The following ZNF445 variants were observed in gnomAD, a reference collection of about 807,000 sequenced individuals.
The protein encoded by ZNF445 is zinc finger protein 168.
In ZNF445, 19 loss-of-function variants were observed where a neutral mutation model predicts 93.9. That is an observed-to-expected ratio of 0.20 (90% CI 0.14 to 0.30). The LOEUF is 0.30. ZNF445 is among the 10% of genes least tolerant of loss of function. The pLI is 1.00. For synonymous variants in ZNF445, 449 were observed against 446.3 expected (o/e 1.01, Z -0.08); for missense variants, 1,058 against 1,259.4 (o/e 0.84, Z 2.42).
At position 44,441,060 on chromosome 3, in the gene ZNF445, C is replaced by G. The variant is rs112201587; in HGVS notation, c.*5515G>C. 1.3e-5 allele frequency: 2 copies of G among 152,082 alleles called. No homozygotes were observed. The highest frequency in any genetic ancestry group is 4.8e-5 in the African/African-American group (2 of 41,390). The allele number at this position is 152,082 out of a possible 1,614,324, so 9.4% of individuals were successfully genotyped here. ...TCTCAAGTAGCTGGGATTACAGGCA[C>G]GTGCCACCATGCCCAGCTAATTTTT... On this transcript the variant is annotated 3_prime_UTR_variant, in exon 8 of 8. Transcript: ENST00000396077.
rs1215761454 is a variant in ZNF445 at position 44,450,523 on chromosome 3, C to T, written c.744G>A (p.Trp248Ter). ...TCCTCTGAGCAGAGTCCAGCCACCC[C>T]CACTCGTCCTGGGAGAAGGTCACCT... ...DVEVTFSQDE[W>*]GWLDSAQRNL... The change falls in exon 6 of 8, where the codon TGG becomes TGA. Residue 248 changes from tryptophan (W) to a stop codon, truncating the protein, a stop_gained. Transcript: ENST00000396077. LOFTEE classifies it high-confidence loss of function. 2.5e-6 allele frequency: 4 copies of T among 1,614,034 alleles called. No individual in the cohort carries two copies. In the Admixed American group the frequency reaches 6.7e-5, roughly 27 times the overall value.
At position 44,436,031 on chromosome 3, in the gene ZNF445, T is replaced by C. The variant is rs1697673686; in HGVS notation, c.*10544A>G. The C allele has an allele frequency of 6.6e-6, 1 of 152,212 alleles. No homozygotes were observed. Among genetic ancestry groups the C allele is most frequent in the Non-Finnish European group, 1.5e-5 (1 of 68,030 alleles). 9.4% of individuals were successfully genotyped at this position (152,212 alleles called of 1,614,324 possible). A position where few individuals can be genotyped will look rare whatever the true frequency, so the allele number is the denominator to read the frequency against. On this transcript the variant is annotated 3_prime_UTR_variant, in exon 8 of 8. Transcript: ENST00000396077. ...GATAAAAAGTATAAATTATTGTCAG[T>C]GCAGCAGGGTCCTACTTCAAAGGGA... is the stretch of plus-strand genomic sequence containing the variant.
Position 44,447,448 on chromosome 3 carries a change from T to C in ZNF445, c.2223A>G (p.Pro741=). 3 of 1,614,216 alleles carry C rather than the reference T, an allele frequency of 1.9e-6. No individual in the cohort carries two copies. Among genetic ancestry groups the C allele is most frequent in the Non-Finnish European group, 2.5e-6 (3 of 1,180,032 alleles). ...HAMKRKPEGG[P]SFSQDTVFQV... ...GGAACACTGTGTCCTGACTAAAAGATGGCCCGCCCTCAGGTTTTCTTTTCA... is the reference window on the plus strand; with the variant it reads ...GGAACACTGTGTCCTGACTAAAAGACGGCCCGCCCTCAGGTTTTCTTTTCA... The change falls in exon 8 of 8, where the codon CCA becomes CCG. Residue 741 remains proline (P), a synonymous_variant. Coordinates refer to ENST00000396077, the MANE Select transcript of ZNF445 (RefSeq NM_181489.6). This position sits in a 1 kb window ranked among gnomAD's most constrained non-coding sequence, Gnocchi z 4.7.
intron 1 of ZNF445, among the ~76,000 whole-genome samples, chr3:44,469,058 C>T (rs1280449829): frequency 6.7e-6 from 1 of 148,222 alleles, no homozygotes; most frequent in East Asian, 2.0e-4. Context: ...AAAAAAAAAG[C>T]ATTTTATAGG....
rs753380089 is a variant in ZNF445 at position 44,448,570 on chromosome 3, A to G, written c.1101T>C (p.Asn367=). ...CTTTCTTAACTCTTACTTGTATGGG[A>G]TTTTCACATTGATCCTTCTGCCTGC... The part of the protein sequence containing the change: ...QKSRQKDQCE[N]PIQVRVKKEE... The change falls in exon 8 of 8, where the codon AAT becomes AAC. Residue 367 remains asparagine (N), a synonymous_variant. Coordinates refer to ENST00000396077, the MANE Select transcript of ZNF445 (RefSeq NM_181489.6). 1.2e-6 allele frequency: 2 copies of G among 1,613,924 alleles called. No homozygotes were observed.
intron 1 of ZNF445, among the ~76,000 whole-genome samples, chr3:44,475,150 C>G (rs1698329836): frequency 6.6e-6 from 1 of 152,024 alleles, no homozygotes; most frequent in African/African-American, 2.4e-5. Flanking sequence ...TCCAGTCATT[C>G]AGTCATCATC....
chr3:44,470,092 C>T (rs1163689994), intron 1 of ZNF445, among the ~76,000 whole-genome samples: 1 of 152,048 alleles, frequency 6.6e-6, no homozygotes, highest in Admixed American at 6.6e-5. Context: ...CCTCACTCTG[C>T]CTGACTTTTT....
At chr3:44,463,522 GCT>G (rs1232774924) in intron 1 of ZNF445, among the ~76,000 whole-genome samples, 2 of 152,132 alleles carry the variant, frequency 1.3e-5, no homozygotes, top group East Asian at 3.8e-4. Context: ...AAAATCAAAC[GCT>G]CTGTTCTGTT....
At chr3:44,462,502 G>A (rs886415678) in intron 1 of ZNF445, among the ~76,000 whole-genome samples, 6 of 152,072 alleles carry the variant, frequency 3.9e-5, no homozygotes, top group African/African-American at 9.7e-5. Context: ...TTTGCTTTTC[G>A]ACAATGGCAG....
Position 44,452,741 on chromosome 3 carries a change from C to T in ZNF445, c.430-1259G>A, listed in dbSNP as rs368360440. Among the ~76,000 whole-genome samples, 373 of 152,158 alleles carry T rather than the reference C, an allele frequency of 2.5e-3. 5 individuals carry two copies. The highest frequency in any genetic ancestry group is 8.7e-3 in the African/African-American group (361 of 41,500). On this transcript the variant is annotated intron_variant, in intron 3 of 7. Transcript: ENST00000396077. ...ATTGTTTTGGTAAAAATAACAAATG[C>T]TCTTTTAAATTTTTTAAAATAGTAC...
chr3:44,467,786 T>A (rs1160948099), intron 1 of ZNF445, among the ~76,000 whole-genome samples: 1 of 152,190 alleles, frequency 6.6e-6, no homozygotes, highest in Non-Finnish European at 1.5e-5. Context: ...GATTTGTTTT[T>A]AATAAAAATG....
At position 44,436,456 on chromosome 3, in the gene ZNF445, A is replaced by C. The variant is rs954588658; in HGVS notation, c.*10119T>G. ...ATGTGGCCTGTATAGAATATCTGGC[A>C]CTCTCTACATGAATTTATTTCTCAT... On this transcript the variant is annotated 3_prime_UTR_variant, in exon 8 of 8. Transcript: ENST00000396077. The C allele has an allele frequency of 6.6e-6, 1 of 152,016 alleles. No individual in the cohort carries two copies. Among genetic ancestry groups the C allele is most frequent in the Admixed American group, 6.6e-5 (1 of 15,264 alleles). The allele number at this position is 152,016 out of a possible 1,614,324, so 9.4% of individuals were successfully genotyped here. A position where few individuals can be genotyped will look rare whatever the true frequency, so the allele number is the denominator to read the frequency against.
intron 1 of ZNF445, among the ~76,000 whole-genome samples, chr3:44,458,625 A>G (rs948351527): frequency 1.3e-5 from 2 of 152,124 alleles, no homozygotes; most frequent in African/African-American, 2.4e-5. Flanking sequence ...GCCTTTTGTT[A>G]TAATATTGGT....
chr3:44,447,374 T>A lies in ZNF445; in HGVS notation c.2297A>T (p.Gln766Leu). ...HSKEEPYKCS[Q>L]CGKAFRNHSF... ...GTGATTGCGGAAGGCCTTGCCACAC[T>A]GGCTGCATTTGTAGGGCTCCTCTTT... Residue 766 changes from glutamine (Q) to leucine (L), a missense_variant, in exon 8 of 8, where the codon CAG becomes CTG. Transcript: ENST00000396077. The surrounding 1 kb of genome is among the most constrained non-coding windows in gnomAD (Gnocchi z 4.7). 6.2e-7 allele frequency: 1 copy of A among 1,614,212 alleles called. No homozygotes were observed. Among genetic ancestry groups the A allele is most frequent in the Non-Finnish European group, 8.5e-7 (1 of 1,180,036 alleles).
intron 1 of ZNF445, among the ~76,000 whole-genome samples, chr3:44,468,691 G>C (rs35069174): frequency 0.13 from 17,010 of 133,648 alleles, 1,107 homozygotes; most frequent in Admixed American, 0.18. Context: ...TCCCCCCGAG[G>C]AGCTGACTCA....
Position 44,436,278 on chromosome 3 carries a change from TG to T in ZNF445, c.*10296del, listed in dbSNP as rs2125673528. On this transcript the variant is annotated 3_prime_UTR_variant, in exon 8 of 8. Transcript: ENST00000396077. Reference sequence around the variant, plus strand: ...AGCAGGCAGACATCACAGATCTCTGTGGGTCAGACCATTCAGGATCCTGCTT... The same window carrying T: ...AGCAGGCAGACATCACAGATCTCTGTGGTCAGACCATTCAGGATCCTGCTT... 6.6e-6 allele frequency: 1 copy of T among 152,346 alleles called. No individual in the cohort carries two copies. Among genetic ancestry groups the T allele is most frequent in the East Asian group, 1.9e-4 (1 of 5,182 alleles). 9.4% of individuals were successfully genotyped at this position (152,346 alleles called of 1,614,324 possible). A position where few individuals can be genotyped will look rare whatever the true frequency, so the allele number is the denominator to read the frequency against.
At position 44,448,252 on chromosome 3, in the gene ZNF445, T is replaced by A. The variant is rs374632547; in HGVS notation, c.1419A>T (p.Gln473His). ...GKDFSLSSHH[Q>H]RGQSLHTVGV... ...CCACTGTGTGAAGACTCTGCCCACG[T>A]TGGTGATGAGAGCTAAGGCTGAAGT... is the stretch of plus-strand genomic sequence containing the variant. Residue 473 changes from glutamine (Q) to histidine (H), a missense_variant, in exon 8 of 8, where the codon CAA (glutamine) becomes CAT (histidine). Around this residue, in one of 3 missense-constraint regions of ZNF445, gnomAD observed 657 missense variants for 746.4 expected, o/e 0.88. Transcript: ENST00000396077. The A allele has an allele frequency of 6.2e-7, 1 of 1,614,170 alleles. No individual in the cohort carries two copies.
chr3:44,455,025 C>T (rs1005898245), intron 3 of ZNF445, 96 bp downstream of exon 3: 13 of 1,480,944 alleles, frequency 8.8e-6, no homozygotes, highest in Non-Finnish European at 1.1e-5. Flanking sequence ...CTGCACTCCT[C>T]TATATTGACA....
rs1442010795 is a variant in ZNF445 at position 44,440,585 on chromosome 3, A to AT, written c.*5989dup. On this transcript the variant is annotated 3_prime_UTR_variant, in exon 8 of 8. Coordinates refer to ENST00000396077, the MANE Select transcript of ZNF445 (RefSeq NM_181489.6). Reference sequence around the variant, plus strand: ...CTTAAGCGTTCGTTTACTAATAGCCATTTGTATTGCTCCTGTTACCAGAAA... The same window carrying AT: ...CTTAAGCGTTCGTTTACTAATAGCCATTTTGTATTGCTCCTGTTACCAGAAA... 1.3e-5 allele frequency: 2 copies of AT among 152,202 alleles called. No homozygotes were observed. The highest frequency in any genetic ancestry group is 4.8e-5 in the African/African-American group (2 of 41,454). The allele number at this position is 152,202 out of a possible 1,614,324, so 9.4% of individuals were successfully genotyped here.
Sources: allele counts gnomAD v4.1 joint callset (sites outside exome capture counted in the v4.1 genomes callset), GRCh38; gene constraint gnomAD v4.1.1; regional missense constraint gnomAD v4.1.1; non-coding constraint Gnocchi (gnomAD v3.1); transcripts MANE v1.5; gene names NCBI Gene and HGNC (gene_info 2026-07-23, HGNC 2026-07-21).